SLC8A1: variants seen among roughly 807,000 people sequenced by gnomAD.
The protein encoded by SLC8A1 is sodium/calcium exchanger 1.
A neutral mutation model predicts 68.3 loss-of-function variants in SLC8A1; 18 were observed. The observed-to-expected ratio is 0.26, with a 90% CI of 0.18 to 0.39. The LOEUF is 0.39. Ranked by LOEUF, SLC8A1 falls within the 10% of genes least tolerant of loss-of-function variation. The pLI is 1.00. For missense variants in SLC8A1, 985 were observed against 1,156.7 expected (o/e 0.85, Z 2.15); for synonymous variants, 475 against 415.5 (o/e 1.14, Z -1.74).
chr2:40,149,967 T>C (rs1382799989), intron 6 of SLC8A1, among the ~76,000 whole-genome samples: 1 of 149,508 alleles, frequency 6.7e-6, no homozygotes, highest in Admixed American at 6.8e-5. Flanking sequence ...TGCTTTATGG[T>C]GCAGCAGGAG....
intron 2 of SLC8A1, among the ~76,000 whole-genome samples, chr2:40,308,886 G>A (rs2073161922): frequency 6.6e-6 from 1 of 152,176 alleles, no homozygotes; most frequent in African/African-American, 2.4e-5. Flanking sequence ...AGCATTTAGA[G>A]AAGACAGAGC....
At chr2:40,444,647 G>A (rs1701103113) in intron 1 of SLC8A1, among the ~76,000 whole-genome samples, 1 of 151,990 alleles carries the variant, frequency 6.6e-6, no homozygotes, top group Non-Finnish European at 1.5e-5. Flanking sequence ...TTCTCGTAAG[G>A]CGCACAAAAT....
At chr2:40,456,336 A>AC (rs1404325978), upstream of SLC8A1, among the ~76,000 whole-genome samples, 2 of 151,730 alleles carry the variant, frequency 1.3e-5, no homozygotes, top group African/African-American at 4.8e-5. Context: ...AAAAAAAAAA[A>AC]AAAAGAATTG....
chr2:40,164,721 T>C (rs1266753134), intron 5 of SLC8A1, 133 bp downstream of exon 8: 6 of 1,249,326 alleles, frequency 4.8e-6, no homozygotes, highest in Non-Finnish European at 5.6e-6. Flanking sequence ...CCAAAGGCTC[T>C]CAATTCACAA....
At chr2:40,156,609 G>A (rs66600435) in intron 6 of SLC8A1, among the ~76,000 whole-genome samples, 36,507 of 151,532 alleles carry the variant, frequency 0.24, 4,633 homozygotes, top group South Asian at 0.41. Flanking sequence ...GTTCTTCAGG[G>A]AATTGACTGG....
chr2:40,218,310 C>T (rs1318447195), intron 2 of SLC8A1, among the ~76,000 whole-genome samples: 1 of 152,100 alleles, frequency 6.6e-6, no homozygotes, highest in Admixed American at 6.6e-5. Context: ...CATGTAATTA[C>T]TGTATTGTGA....
chr2:40,178,509 G>T lies in SLC8A1; in HGVS notation c.1809-654C>A. The T allele has an allele frequency of 6.3e-7, 1 of 1,591,090 alleles. No homozygotes were observed. Among genetic ancestry groups the T allele is most frequent in the Non-Finnish European group, 8.6e-7 (1 of 1,160,272 alleles). ...TATTGTTTTGCTGAAACAGAGAATA[G>T]AAATTGACGAACAAGGGGAAGAGGA... On this transcript the variant is annotated intron_variant, in intron 2 of 7. Transcript: ENST00000406785.
intron 1 of SLC8A1, among the ~76,000 whole-genome samples, chr2:40,460,745 A>T (rs1703294329): frequency 6.6e-6 from 1 of 151,842 alleles, no homozygotes; most frequent in Non-Finnish European, 1.5e-5. Context: ...CTGATTTTTT[A>T]TATCTTTTGT....
intron 6 of SLC8A1, among the ~76,000 whole-genome samples, chr2:40,149,839 A>G (rs984328197): frequency 6.6e-6 from 1 of 152,120 alleles, no homozygotes; most frequent in Admixed American, 6.5e-5. Flanking sequence ...GCTTTGTCTA[A>G]TCCTAAGGCA....
intron 2 of SLC8A1, among the ~76,000 whole-genome samples, chr2:40,298,838 G>A (rs569021526): frequency 4.6e-5 from 7 of 152,270 alleles, no homozygotes; most frequent in Admixed American, 2.6e-4. Context: ...TAGAACTTAT[G>A]GATGTTTCTG....
intron 2 of SLC8A1, among the ~76,000 whole-genome samples, chr2:40,224,362 A>G (rs184353068): frequency 4.6e-5 from 7 of 152,250 alleles, no homozygotes; most frequent in Admixed American, 6.5e-5. Flanking sequence ...GCTCAACGCT[A>G]AAAGCCCCTA....
At chr2:40,231,418 T>A (rs1343314509) in intron 2 of SLC8A1, among the ~76,000 whole-genome samples, 2 of 152,164 alleles carry the variant, frequency 1.3e-5, no homozygotes, top group Admixed American at 6.5e-5. Flanking sequence ...TCCCATTTAA[T>A]CTTTATAGGT....
intron 2 of SLC8A1, among the ~76,000 whole-genome samples, chr2:40,318,815 A>T (rs765700691): frequency 1.3e-5 from 2 of 152,126 alleles, no homozygotes; most frequent in African/African-American, 4.8e-5. Flanking sequence ...AGCTATATCA[A>T]GTGCCTACTG....
intron 2 of SLC8A1, among the ~76,000 whole-genome samples, chr2:40,276,106 A>G (rs17025732): frequency 0.037 from 5,634 of 152,342 alleles, 246 homozygotes; most frequent in East Asian, 0.2. Context: ...TTTGATTGGC[A>G]TATTTGGCAA....
In SLC8A1 at chr2:40,418,582, A is replaced by G. The variant is rs914520009; in HGVS notation, c.1808+9891T>C. Among the ~76,000 whole-genome samples, 4 of 152,318 alleles carry G rather than the reference A, an allele frequency of 2.6e-5. No individual in the cohort carries two copies. The East Asian group carries it at 7.7e-4, about 29-fold the overall frequency. On this transcript the variant is annotated intron_variant, in intron 2 of 7. Coordinates refer to ENST00000406785, the Ensembl canonical transcript of SLC8A1. ...TACTTTCAATGTCTGTAGTAGCCTC[A>G]TTTGCTCATGCTTAATAAGCTCATA...
At chr2:40,188,376 TTGTC>T (rs1361272921) in intron 2 of SLC8A1, among the ~76,000 whole-genome samples, 6 of 152,220 alleles carry the variant, frequency 3.9e-5, no homozygotes, top group African/African-American at 1.2e-4. Context: ...ATCAACATCT[TTGTC>T]TGGTTCAGTT....
At chr2:40,133,950 C>T (rs2039972326) in intron 7 of SLC8A1, among the ~76,000 whole-genome samples, 1 of 152,136 alleles carries the variant, frequency 6.6e-6, no homozygotes, top group South Asian at 2.1e-4. Flanking sequence ...GCTCCAAATG[C>T]TCCTTCTTAA....
rs1199470724 is a variant in SLC8A1 at position 40,493,670 on chromosome 2, T to C, written c.-25+18679A>G. ...TCAGTATTTTTTTTTTTTTTTTTTT[T>C]CCACGACAGAGTCTTGCTCTGTTTC... On this transcript the variant is annotated intron_variant, in intron 1 of 7. Transcript: ENST00000402441. Among the ~76,000 whole-genome samples the C allele has an allele frequency of 9.3e-5, 8 of 86,436 alleles. No homozygotes were observed. In the East Asian group the frequency reaches 2.5e-3, roughly 27 times the overall value. The allele number at this position is 86,436 out of a possible 152,430, so 56.7% of individuals were successfully genotyped here.
chr2:40,192,882 A>C (rs2052158807), intron 2 of SLC8A1, among the ~76,000 whole-genome samples: 1 of 152,186 alleles, frequency 6.6e-6, no homozygotes, highest in Admixed American at 6.5e-5. Context: ...AAGAGAATCC[A>C]TGGAAATACA....
Sources: gnomAD v4.1 joint callset for allele counts (sites outside exome capture counted in the v4.1 genomes callset) on GRCh38, gnomAD v4.1.1 for gene constraint, MANE v1.5 for transcripts, NCBI Gene and HGNC (gene_info 2026-07-23, HGNC 2026-07-21) for gene names.